The following RALYL variants were observed in gnomAD, a reference collection of about 807,000 sequenced individuals.
RALYL encodes the protein RALY RNA binding protein like.
Under a neutral mutation model 35.1 loss-of-function variants are expected in RALYL, and 29 were observed. The ratio of observed to expected loss-of-function variants is 0.83; its 90% CI spans 0.61 to 1.13. The LOEUF is 1.13. Ranked by LOEUF, RALYL falls within the 50% of genes most tolerant of loss-of-function variation. RALYL has a pLI of 0.00. For synonymous variants in RALYL, 120 were observed against 127.6 expected (o/e 0.94, Z 0.40); for missense variants, 359 against 360.4 (o/e 1.00, Z 0.03).
At chr8:84,552,801 C>A (rs2060839582) in intron 2 of RALYL, among the ~76,000 whole-genome samples, 1 of 151,746 alleles carries the variant, frequency 6.6e-6, no homozygotes, top group African/African-American at 2.4e-5. Context: ...AATTCACCAG[C>A]CTCAAATTTA....
chr8:84,456,045 A>G (rs1378930003), intron 1 of RALYL, among the ~76,000 whole-genome samples: 2 of 152,020 alleles, frequency 1.3e-5, no homozygotes, highest in East Asian at 1.9e-4. Context: ...CTCTTCTTTC[A>G]GTCTATTTTA....
At chr8:84,254,547 T>A (rs1830847052) in intron 1 of RALYL, among the ~76,000 whole-genome samples, 1 of 151,906 alleles carries the variant, frequency 6.6e-6, no homozygotes, top group South Asian at 2.1e-4. Context: ...TTACTTGGAT[T>A]TAGCTTGAGT....
intron 1 of RALYL, among the ~76,000 whole-genome samples, chr8:84,458,542 A>T (rs567543434): frequency 6.6e-6 from 1 of 151,906 alleles, no homozygotes; most frequent in South Asian, 2.1e-4. Flanking sequence ...CTTTCCCCTA[A>T]TTACAGAGCT....
intron 4 of RALYL, among the ~76,000 whole-genome samples, chr8:84,831,238 C>T (rs1830855024): frequency 6.6e-6 from 1 of 151,960 alleles, no homozygotes; most frequent in Non-Finnish European, 1.5e-5. Flanking sequence ...CTATAGGAAT[C>T]CATAAATTTA....
At chr8:84,832,296 G>A (rs187624090) in intron 4 of RALYL, among the ~76,000 whole-genome samples, 7 of 152,012 alleles carry the variant, frequency 4.6e-5, no homozygotes, top group East Asian at 3.9e-4. Flanking sequence ...TCCAGATTAC[G>A]TTGATAGATT....
chr8:84,241,193 A>G (rs1827785001), intron 1 of RALYL, among the ~76,000 whole-genome samples: 1 of 152,108 alleles, frequency 6.6e-6, no homozygotes, highest in South Asian at 2.1e-4. Flanking sequence ...TTCTCCAACA[A>G]ATTCATTCTG....
At chr8:84,216,420 T>G (rs1229726978) in intron 1 of RALYL, among the ~76,000 whole-genome samples, 4 of 152,154 alleles carry the variant, frequency 2.6e-5, no homozygotes, top group African/African-American at 4.8e-5. Flanking sequence ...TTAAAAATTT[T>G]TTAGAAATAC....
At chr8:84,270,132 A>C (rs1185007156) in intron 1 of RALYL, among the ~76,000 whole-genome samples, 1 of 152,180 alleles carries the variant, frequency 6.6e-6, no homozygotes, top group Non-Finnish European at 1.5e-5. Flanking sequence ...GGATTAAGTC[A>C]TTACAGCCCA....
At chr8:84,640,129 T>C (rs1395286237) in intron 2 of RALYL, among the ~76,000 whole-genome samples, 1 of 151,974 alleles carries the variant, frequency 6.6e-6, no homozygotes, top group South Asian at 2.1e-4. Flanking sequence ...AGGCTCAAAA[T>C]ATATTATTGC....
chr8:84,628,972 A>G (rs558995059), intron 2 of RALYL, among the ~76,000 whole-genome samples: 8 of 152,192 alleles, frequency 5.3e-5, no homozygotes, highest in Non-Finnish European at 8.8e-5. Context: ...AATAACTGCC[A>G]TTATAGACAT....
chr8:84,315,015 T>A (rs1239989962), intron 1 of RALYL, among the ~76,000 whole-genome samples: 1 of 152,342 alleles, frequency 6.6e-6, no homozygotes, highest in East Asian at 1.9e-4. Flanking sequence ...GTTTGACAAC[T>A]GTTATTGAAA....
At chr8:84,369,565 A>G (rs1855258000) in intron 1 of RALYL, among the ~76,000 whole-genome samples, 1 of 152,070 alleles carries the variant, frequency 6.6e-6, no homozygotes, top group African/African-American at 2.4e-5. Context: ...GTTGTGGAAG[A>G]CATTACTAGG....
intron 1 of RALYL, among the ~76,000 whole-genome samples, chr8:84,200,223 A>G (rs560389384): frequency 4.6e-5 from 7 of 152,274 alleles, no homozygotes; most frequent in Admixed American, 2.0e-4. Context: ...AATTATATTG[A>G]TAAGAATTTT....
chr8:84,899,370 G>A (rs1845288020), intron 8 of RALYL, among the ~76,000 whole-genome samples: 1 of 151,426 alleles, frequency 6.6e-6, no homozygotes, highest in African/African-American at 2.4e-5. Flanking sequence ...ATTTCACTTT[G>A]TATTTTTCCT....
chr8:84,433,039 A>G (rs1407664712), intron 1 of RALYL, among the ~76,000 whole-genome samples: 1 of 152,190 alleles, frequency 6.6e-6, no homozygotes, highest in Non-Finnish European at 1.5e-5. Flanking sequence ...AGTATTAGGT[A>G]CAATAATTGC....
chr8:84,755,096 G>A (rs1289246503), intron 2 of RALYL, among the ~76,000 whole-genome samples: 1 of 152,148 alleles, frequency 6.6e-6, no homozygotes, highest in East Asian at 1.9e-4. Flanking sequence ...CAACTGTCAA[G>A]ATGACTCAGG....
Position 84,887,714 on chromosome 8 carries a change from G to A in RALYL, c.796G>A (p.Asp266Asn), listed in dbSNP as rs779013324. ...GCCTGCTGAAGGAGGGCCAGATGCC[G>A]ATGGAGAAGAGATGACAGATGGGAT... The part of the protein sequence containing the change: ...EEPAEGGPDA[D>N]GEEMTDGIEE... Residue 266 changes from aspartate to asparagine, a missense_variant, in exon 8 of 9, where the codon GAT becomes AAT. Coordinates refer to ENST00000521268, the MANE Select transcript of RALYL (RefSeq NM_173848.7). The A allele has an allele frequency of 3.1e-5, 50 of 1,613,818 alleles. No individual in the cohort carries two copies. The East Asian group carries it at 3.3e-4, about 11-fold the overall frequency.
chr8:84,670,839 C>A (rs1277085210), intron 2 of RALYL, among the ~76,000 whole-genome samples: 16 of 152,134 alleles, frequency 1.1e-4, no homozygotes, highest in Admixed American at 1.0e-3. Context: ...TATCATTCTG[C>A]CTCTGGCCCC....
At chr8:84,281,513 G>A (rs953006280) in intron 1 of RALYL, among the ~76,000 whole-genome samples, 1 of 149,656 alleles carries the variant, frequency 6.7e-6, no homozygotes, top group Non-Finnish European at 1.5e-5. Flanking sequence ...TGAGCATATG[G>A]CACTGTTCAT....
Sources: allele counts gnomAD v4.1 joint callset (sites outside exome capture counted in the v4.1 genomes callset), GRCh38; gene constraint gnomAD v4.1.1; transcripts MANE v1.5; gene names NCBI Gene and HGNC (gene_info 2026-07-23, HGNC 2026-07-21).